The following PPARGC1B variants were observed in gnomAD, a reference collection of about 807,000 sequenced individuals.
The protein encoded by PPARGC1B is PPARG coactivator 1 beta.
A neutral mutation model predicts 101.6 loss-of-function variants in PPARGC1B; 34 were observed. The ratio of observed to expected loss-of-function variants is 0.33; its 90% confidence interval spans 0.25 to 0.45. PPARGC1B has a LOEUF of 0.45. Ranked by LOEUF, PPARGC1B falls within the 20% of genes least tolerant of loss-of-function variation. The pLI, the probability that PPARGC1B is intolerant of heterozygous loss-of-function variation, is 1.00. For missense variants in PPARGC1B, 1,234 were observed against 1,317.6 expected (o/e 0.94, Z 0.98); for synonymous variants, 548 against 539.3 (o/e 1.02, Z -0.22).
At chr5:149,830,068 A>AAAAAAAAAAC (rs1561602406) in intron 3 of PPARGC1B, among the ~76,000 whole-genome samples, 1 of 147,182 alleles carries the variant, frequency 6.8e-6, no homozygotes, top group African/African-American at 2.5e-5. Flanking sequence ...AAAAAAAAAA[A>AAAAAAAAAAC]AACAGGGTGG....
rs531257837 is a variant in PPARGC1B at position 149,849,287 on chromosome 5, A to G, written c.*1729A>G. 3.9e-5 allele frequency: 6 copies of G among 152,352 alleles called. No individual in the cohort carries two copies. The highest frequency in any genetic ancestry group is 1.4e-4 in the African/African-American group (6 of 41,582). The allele number at this position is 152,352 out of a possible 1,614,324, so 9.4% of individuals were successfully genotyped here. ...TGAGTGGTGAGCATACTCCCAGCCC[A>G]TGGACAAGGCCGGAAGAGACAGGCT... On this transcript the variant is annotated 3_prime_UTR_variant, in exon 12 of 12. Transcript: ENST00000309241.
At chr5:149,789,319 G>A (rs993519482) in intron 1 of PPARGC1B, among the ~76,000 whole-genome samples, 3 of 152,138 alleles carry the variant, frequency 2.0e-5, no homozygotes, top group Non-Finnish European at 2.9e-5. Context: ...GCAAGATGGG[G>A]GCTTGCCTGG....
intron 10 of PPARGC1B, among the ~76,000 whole-genome samples, chr5:149,842,816 C>A (rs1447266732): frequency 1.3e-5 from 2 of 152,216 alleles, no homozygotes; most frequent in Non-Finnish European, 2.9e-5. Context: ...ACTGGGACTC[C>A]ACTCTACCTC....
chr5:149,763,717 G>T (rs1440950282), intron 1 of PPARGC1B, among the ~76,000 whole-genome samples: 1 of 151,908 alleles, frequency 6.6e-6, no homozygotes, highest in Non-Finnish European at 1.5e-5. Context: ...TTTTCATTGA[G>T]ATAAGGTCTC....
chr5:149,852,934 C>G lies in PPARGC1B; in HGVS notation c.*5376C>G, dbSNP rs140373462. 49 of 152,188 alleles carry G rather than the reference C, an allele frequency of 3.2e-4. No individual in the cohort carries two copies. The highest frequency in any genetic ancestry group is 1.2e-3 in the African/African-American group (48 of 41,506). 9.4% of individuals were successfully genotyped at this position (152,188 alleles called of 1,614,324 possible). On this transcript the variant is annotated 3_prime_UTR_variant, in exon 12 of 12. Transcript: ENST00000309241. ...GTTTCATCAGTATGCTTTGCACATC[C>G]GGAAGGAGTACAAAAATCCAACTGC...
chr5:149,773,236 A>G lies in PPARGC1B; in HGVS notation c.78+42816A>G, dbSNP rs368209397. 9.2e-5 allele frequency among the ~76,000 whole-genome samples: 14 copies of G among 152,342 alleles called. No homozygotes were observed. In the East Asian group the frequency reaches 2.1e-3, roughly 23 times the overall value. ...CTGTGGTCGTGTCTTGTGCAGCCAGATGAGAGCTACATGTCTCTTACTAAT... is the reference window on the plus strand; with the variant it reads ...CTGTGGTCGTGTCTTGTGCAGCCAGGTGAGAGCTACATGTCTCTTACTAAT... On this transcript the variant is annotated intron_variant, in intron 1 of 11. Transcript: ENST00000309241.
chr5:149,757,685 A>G (rs1755583582), intron 1 of PPARGC1B, among the ~76,000 whole-genome samples: 1 of 152,230 alleles, frequency 6.6e-6, no homozygotes, highest in Non-Finnish European at 1.5e-5. Context: ...AGCTGCTCAG[A>G]GAGCTGCAGA....
At position 149,810,275 on chromosome 5, in the gene PPARGC1B, C is replaced by T. The variant is rs553159527; in HGVS notation, c.79-10158C>T. 9.8e-5 allele frequency among the ~76,000 whole-genome samples: 15 copies of T among 152,332 alleles called. 1 individual carries two copies. The highest frequency in any genetic ancestry group is 2.6e-4 in the African/African-American group (11 of 41,584). ...TATTACCCTGCCTTAAAACACCTTG[C>T]GCAGAATATACTTCAACCTTATTGT... On this transcript the variant is annotated intron_variant, in intron 1 of 11. Transcript: ENST00000309241.
At chr5:149,783,919 A>T (rs1417182992) in intron 1 of PPARGC1B, among the ~76,000 whole-genome samples, 1 of 152,072 alleles carries the variant, frequency 6.6e-6, no homozygotes, top group East Asian at 1.9e-4. Context: ...AACCATGTTT[A>T]TACCCTTCAC....
Position 149,835,288 on chromosome 5 carries a change from C to T in PPARGC1B, c.1743-13C>T, listed in dbSNP as rs1201256397. 1.9e-6 allele frequency: 3 copies of T among 1,613,974 alleles called. No individual in the cohort carries two copies. The highest frequency in any genetic ancestry group is 3.3e-5 in the Admixed American group (2 of 60,026). ...CTTGCTTCTTTCCTTTCTGTCCTCC[C>T]TGCCTCCACCAGCGACCCAACTTTT... On this transcript the variant is annotated splice_polypyrimidine_tract_variant and intron_variant, in intron 6 of 11. Transcript: ENST00000309241.
chr5:149,857,495 G>A (rs1281571035), downstream of PPARGC1B, among the ~76,000 whole-genome samples: 1 of 152,228 alleles, frequency 6.6e-6, no homozygotes, highest in African/African-American at 2.4e-5. Flanking sequence ...ACTCTGCCAT[G>A]TAACCACCAA....
At chr5:149,733,019 G>C (rs1347824366) in intron 1 of PPARGC1B, 1 of 202,146 alleles carries the variant, frequency 4.9e-6, no homozygotes, top group Non-Finnish European at 1.2e-5. Context: ...ATGGCCTGGT[G>C]GTGGGGGTGA....
At chr5:149,734,635 C>G (rs1409025035) in intron 1 of PPARGC1B, among the ~76,000 whole-genome samples, 1 of 152,030 alleles carries the variant, frequency 6.6e-6, no homozygotes, top group East Asian at 1.9e-4. Context: ...CTTTAAGTTC[C>G]TAGAAGTGAA....
Position 149,818,400 on chromosome 5 carries a change from T to C in PPARGC1B, c.79-2033T>C, listed in dbSNP as rs185190517. Among the ~76,000 whole-genome samples the C allele has an allele frequency of 1.4e-3, 219 of 152,086 alleles. 1 individual carries two copies. The highest frequency in any genetic ancestry group is 5.1e-3 in the African/African-American group (210 of 41,490). Reference sequence around the variant, plus strand: ...AAGAATGGGCAGGTGGTGGGCAGGGTGGTGGGGCCATGCTCCCAGAGACAG... The same window carrying C: ...AAGAATGGGCAGGTGGTGGGCAGGGCGGTGGGGCCATGCTCCCAGAGACAG... On this transcript the variant is annotated intron_variant, in intron 1 of 11. Transcript: ENST00000309241.
At chr5:149,841,944 C>G (rs1759356062) in intron 9 of PPARGC1B, among the ~76,000 whole-genome samples, 1 of 152,190 alleles carries the variant, frequency 6.6e-6, no homozygotes, top group Admixed American at 6.5e-5. Context: ...AAGGTTAAGT[C>G]CAAAAGCTAC....
intron 1 of PPARGC1B, chr5:149,771,916 C>T (rs1014071418): frequency 2.0e-6 from 2 of 987,212 alleles, no homozygotes; most frequent in Non-Finnish European, 2.8e-6. Flanking sequence ...TGAACGTTGT[C>T]CCCAAGCTTT....
chr5:149,812,613 ATC>A (rs1757908383), intron 1 of PPARGC1B, among the ~76,000 whole-genome samples: 1 of 152,172 alleles, frequency 6.6e-6, no homozygotes, highest in Non-Finnish European at 1.5e-5. Context: ...TTGGGAATCT[ATC>A]TCTGTCTGTT....
chr5:149,767,118 C>T (rs560761433), intron 1 of PPARGC1B, among the ~76,000 whole-genome samples: 4 of 152,320 alleles, frequency 2.6e-5, no homozygotes, highest in Admixed American at 2.0e-4. Context: ...TAGAAAACAA[C>T]AGTCCTCTTT....
chr5:149,780,297 C>T (rs1190074644), intron 1 of PPARGC1B, among the ~76,000 whole-genome samples: 2 of 152,254 alleles, frequency 1.3e-5, no homozygotes, highest in Non-Finnish European at 2.9e-5. Context: ...TGGTCACCAG[C>T]TCTCAGTGTG....
Sources: allele counts gnomAD v4.1 joint callset (sites outside exome capture counted in the v4.1 genomes callset), GRCh38; gene constraint gnomAD v4.1.1; transcripts MANE v1.5; gene names NCBI Gene and HGNC (gene_info 2026-07-23, HGNC 2026-07-21).